Variants in NOX4 observed in about 807,000 individuals in gnomAD.
NOX4 encodes kidney oxidase-1.
NOX4 carries 69 observed loss-of-function variants against 87.6 expected under a neutral mutation model. The ratio of observed to expected loss-of-function variants is 0.79; its 90% CI spans 0.65 to 0.96. NOX4 has a LOEUF of 0.96. Ranked by LOEUF, NOX4 falls within the 40% of genes least tolerant of loss-of-function variation. The pLI, the probability that NOX4 is intolerant of heterozygous loss-of-function variation, is 0.00. For synonymous variants in NOX4, 275 were observed against 238.2 expected (o/e 1.15, Z -1.42); for missense variants, 680 against 681.5 (o/e 1.00, Z 0.02).
At chr11:89,455,459 C>T (rs1446040647) in intron 2 of NOX4, among the ~76,000 whole-genome samples, 2 of 152,036 alleles carry the variant, frequency 1.3e-5, no homozygotes, top group African/African-American at 4.8e-5. Context: ...GCTATGTATC[C>T]TCAGCCCTAA....
At chr11:89,494,839 T>C (rs1946930937), upstream of NOX4, among the ~76,000 whole-genome samples, 1 of 152,360 alleles carries the variant, frequency 6.6e-6, no homozygotes, top group Middle Eastern at 3.4e-3. Context: ...ACTACAGATG[T>C]CATGGGCTAA....
At chr11:89,465,459 C>G (rs996694045) in intron 2 of NOX4, among the ~76,000 whole-genome samples, 1 of 152,056 alleles carries the variant, frequency 6.6e-6, no homozygotes, top group East Asian at 1.9e-4. Context: ...GTGCATGTGT[C>G]TTTATAGAAT....
chr11:89,493,276 T>G (rs1473203071), upstream of NOX4, among the ~76,000 whole-genome samples: 1 of 151,946 alleles, frequency 6.6e-6, no homozygotes, highest in African/African-American at 2.4e-5. Context: ...TCCCAGCTAT[T>G]CAGGAGGCTG....
At chr11:89,547,607 T>C in the NOX4 span, among the ~76,000 whole-genome samples, 1 of 152,192 alleles carries the variant, frequency 6.6e-6, no homozygotes, top group African/African-American at 2.4e-5. Flanking sequence ...ATTCAAGTGA[T>C]TAATACAACA....
intron 12 of NOX4, among the ~76,000 whole-genome samples, chr11:89,373,114 T>G (rs1460274788): frequency 6.6e-6 from 1 of 151,608 alleles, no homozygotes; most frequent in African/African-American, 2.4e-5. Flanking sequence ...AAGAAACACA[T>G]TTCAGCATTC....
chr11:89,434,923 T>A (rs1944000902), intron 6 of NOX4, among the ~76,000 whole-genome samples: 1 of 152,044 alleles, frequency 6.6e-6, no homozygotes, highest in Admixed American at 6.6e-5. Context: ...AAATTCACAC[T>A]ATTCTTCAGT....
At chr11:89,355,157 C>T in intron 12 of NOX4, 114 bp from the exon 13 acceptor site, 1 of 714,878 alleles carries the variant, frequency 1.4e-6, no homozygotes, top group Non-Finnish European at 2.3e-6. Flanking sequence ...ACTGTATATC[C>T]ATCCTTTATT....
intron 2 of NOX4, among the ~76,000 whole-genome samples, chr11:89,472,575 A>G (rs1945996164): frequency 6.6e-6 from 1 of 152,066 alleles, no homozygotes; most frequent in African/African-American, 2.4e-5. Flanking sequence ...ACATTCTTCC[A>G]TTTTCAGTGG....
chr11:89,437,779 C>A (rs1415263869), intron 6 of NOX4, among the ~76,000 whole-genome samples: 1 of 152,076 alleles, frequency 6.6e-6, no homozygotes, highest in African/African-American at 2.4e-5. Flanking sequence ...AGTATTTTTA[C>A]AGTCATCCTT....
intron 13 of NOX4, among the ~76,000 whole-genome samples, chr11:89,348,958 G>T (rs188610773): frequency 6.6e-6 from 1 of 152,096 alleles, no homozygotes; most frequent in African/African-American, 2.4e-5. Context: ...CACAATTCCT[G>T]GATGTGTAGT....
the NOX4 span, among the ~76,000 whole-genome samples, chr11:89,529,137 G>T: frequency 6.6e-6 from 1 of 152,116 alleles, no homozygotes; most frequent in Non-Finnish European, 1.5e-5. Context: ...CTTTTGAGGG[G>T]TAGTAATGAA....
chr11:89,458,192 CTAGG>C (rs1489733975), intron 2 of NOX4, among the ~76,000 whole-genome samples: 17 of 152,052 alleles, frequency 1.1e-4, no homozygotes, highest in African/African-American at 4.1e-4. Flanking sequence ...ATAAATGGTG[CTAGG>C]AAAACTGGCT....
chr11:89,487,845 T>C (rs1946692357), intron 2 of NOX4, among the ~76,000 whole-genome samples: 1 of 152,194 alleles, frequency 6.6e-6, no homozygotes, highest in African/African-American at 2.4e-5. Flanking sequence ...TGCCTGCAAA[T>C]TGTTACTCTA....
chr11:89,463,198 T>C (rs1382278727), intron 2 of NOX4, among the ~76,000 whole-genome samples: 1 of 151,758 alleles, frequency 6.6e-6, no homozygotes, highest in Non-Finnish European at 1.5e-5. Flanking sequence ...ATAATTCCTA[T>C]TAATAATAAT....
intron 11 of NOX4, among the ~76,000 whole-genome samples, chr11:89,391,969 C>T (rs1467568051): frequency 2.0e-5 from 3 of 149,400 alleles, no homozygotes; most frequent in Non-Finnish European, 4.4e-5. Context: ...TTCCTTCCTT[C>T]CTTCCTTCTT....
the NOX4 span, among the ~76,000 whole-genome samples, chr11:89,553,546 G>A: frequency 3.2e-3 from 484 of 152,184 alleles, no homozygotes; most frequent in Non-Finnish European, 5.2e-3. Context: ...GAGGAAATCT[G>A]CATTAGCAAT....
chr11:89,342,874 G>C lies in NOX4; in HGVS notation c.1218-681C>G, dbSNP rs935081512. ...AGAGAAATCCTTCTTAACTGCAATA[G>C]AAATGCTAATTGTTCATATAATATT... On this transcript the variant is annotated intron_variant, in intron 13 of 17. Transcript: ENST00000263317. Among the ~76,000 whole-genome samples, 5 of 152,130 alleles carry C rather than the reference G, an allele frequency of 3.3e-5. 1 individual carries two copies. Among genetic ancestry groups the C allele is most frequent in the African/African-American group, 1.2e-4 (5 of 41,434 alleles).
intron 8 of NOX4, among the ~76,000 whole-genome samples, chr11:89,409,593 CA>C (rs139884171): frequency 0.021 from 3,190 of 152,102 alleles, 115 homozygotes; most frequent in African/African-American, 0.073. Context: ...CATAAAATAT[CA>C]ACAAATGTGA....
intron 4 of NOX4, among the ~76,000 whole-genome samples, chr11:89,448,218 AAACAACAAC>A (rs369024514): frequency 6.6e-6 from 1 of 152,078 alleles, no homozygotes; most frequent in East Asian, 1.9e-4. Context: ...TTACAGTTAA[AAACAACAAC>A]AACAACAACA....
Sources: allele counts gnomAD v4.1 joint callset (sites outside exome capture counted in the v4.1 genomes callset), GRCh38; gene constraint gnomAD v4.1.1; transcripts MANE v1.5; gene names NCBI Gene and HGNC (gene_info 2026-07-23, HGNC 2026-07-21).